PLEKHA6: variants seen among roughly 807,000 people sequenced by gnomAD.
The protein encoded by PLEKHA6 is pleckstrin homology domain-containing family A member 6.
In PLEKHA6, 60 loss-of-function variants were observed where a neutral mutation model predicts 116.7. The ratio of observed to expected loss-of-function variants is 0.51; its 90% CI spans 0.42 to 0.64. The LOEUF (loss-of-function observed/expected upper bound fraction) is 0.64, where lower values mean the gene tolerates loss of function less well. Ranked by LOEUF, PLEKHA6 falls within the 30% of genes least tolerant of loss-of-function variation. The probability of loss-of-function intolerance (pLI) is 0.00; values close to 1 mark genes in which losing one functional copy is unlikely to be tolerated. For synonymous variants in PLEKHA6, 489 were observed against 556.1 expected, an observed-to-expected ratio of 0.88 and a Z score of 1.70; for missense variants, 1,338 against 1,422.7, an observed-to-expected ratio of 0.94 and a Z score of 0.96.
At chr1:204,376,590 C>T (rs1673874854) in intron 1 of PLEKHA6, among the ~76,000 whole-genome samples, 1 of 152,214 alleles carries the variant, frequency 6.6e-6, no homozygotes, top group South Asian at 2.1e-4. Flanking sequence ...TGAGCCCCTG[C>T]AAAGGCAGTT....
At chr1:204,227,199 A>C (rs4581328) in intron 21 of PLEKHA6, among the ~76,000 whole-genome samples, 78,495 of 151,990 alleles carry the variant, frequency 0.52, 20,904 homozygotes, top group African/African-American at 0.66. Context: ...CACCTGCTCT[A>C]GCTTCTCTGC....
intron 1 of PLEKHA6, among the ~76,000 whole-genome samples, chr1:204,339,634 A>G (rs1672776983): frequency 6.6e-6 from 1 of 152,248 alleles, no homozygotes; most frequent in Non-Finnish European, 1.5e-5. Flanking sequence ...CAGGGAAATA[A>G]CTAGGGGGAA....
At chr1:204,313,895 T>G (rs540035572) in intron 1 of PLEKHA6, among the ~76,000 whole-genome samples, 2 of 152,288 alleles carry the variant, frequency 1.3e-5, no homozygotes, top group South Asian at 4.1e-4. Context: ...TCTCTATTGT[T>G]TGCCTAGAAC....
In PLEKHA6 at chr1:204,257,243, A is replaced by AGTGGCCCC; in HGVS notation, c.1524+102_1524+109dup. On this transcript the variant is annotated intron_variant, in intron 9 of 22. Coordinates refer to ENST00000272203, the MANE Select transcript of PLEKHA6 (RefSeq NM_014935.5). This position sits in a 1 kb window ranked among gnomAD's most constrained non-coding sequence, Gnocchi z 6.5. ...TGCTGGTCCTGCAGACAAACGGCCC[A>AGTGGCCCC]GTGGCCCCGTGGCACAGATGCTCCC... 1.9e-6 allele frequency: 2 copies of AGTGGCCCC among 1,063,874 alleles called. No homozygotes were observed. The highest frequency in any genetic ancestry group is 2.8e-6 in the Non-Finnish European group (2 of 722,046). 65.9% of individuals were successfully genotyped at this position (1,063,874 alleles called of 1,614,324 possible). A position where few individuals can be genotyped will look rare whatever the true frequency, so the allele number is the denominator to read the frequency against.
intron 2 of PLEKHA6, chr1:204,369,262 T>A (rs1673726769): frequency 6.6e-6 from 1 of 152,216 alleles, no homozygotes; most frequent in African/African-American, 2.4e-5. Context: ...TTTTCGCCGA[T>A]AACAGATGAG....
chr1:204,349,419 T>C (rs933969423), intron 1 of PLEKHA6, among the ~76,000 whole-genome samples: 5 of 151,434 alleles, frequency 3.3e-5, no homozygotes, highest in African/African-American at 1.2e-4. Flanking sequence ...TGTGTGCCTG[T>C]AATCCCAGCT....
chr1:204,343,946 T>C (rs1366743847), intron 1 of PLEKHA6, among the ~76,000 whole-genome samples: 1 of 152,130 alleles, frequency 6.6e-6, no homozygotes, highest in Non-Finnish European at 1.5e-5. Context: ...GACTTGCCCC[T>C]GATTTTGGTG....
chr1:204,307,746 AC>A lies in PLEKHA6; in HGVS notation c.-94-32938del, dbSNP rs572366278. ...CCCTCTAGCTGCAGCAACTCCTGAA[AC>A]CCTAAGCTGAGCTAGCCCAGCGGAG... On this transcript the variant is annotated intron_variant, in intron 1 of 22. Coordinates refer to ENST00000272203, the MANE Select transcript of PLEKHA6 (RefSeq NM_014935.5). 1,017 of 381,780 alleles carry A rather than the reference AC, an allele frequency of 2.7e-3. 2 individuals carry two copies. The highest frequency in any genetic ancestry group is 4.9e-3 in the Admixed American group (76 of 15,570). 23.6% of individuals were successfully genotyped at this position (381,780 alleles called of 1,614,324 possible). A position where few individuals can be genotyped will look rare whatever the true frequency, so the allele number is the denominator to read the frequency against.
At chr1:204,365,710 A>C (rs959831616) in intron 3 of PLEKHA6, among the ~76,000 whole-genome samples, 13 of 152,230 alleles carry the variant, frequency 8.5e-5, no homozygotes, top group African/African-American at 2.9e-4. Flanking sequence ...GATTGCTATC[A>C]TGCACCAGAA....
At chr1:204,251,100 C>T (rs539269028) in intron 9 of PLEKHA6, among the ~76,000 whole-genome samples, 10 of 152,314 alleles carry the variant, frequency 6.6e-5, no homozygotes, top group South Asian at 2.1e-4. Flanking sequence ...AATTCAGAAG[C>T]GTCTCCGGAT....
At chr1:204,267,607 G>T in intron 4 of PLEKHA6, 60 bp from the exon 5 acceptor site, 1 of 1,429,920 alleles carries the variant, frequency 7.0e-7, no homozygotes, top group South Asian at 1.1e-5. Context: ...CGAGGAGATG[G>T]GATGCAGGGA....
At chr1:204,370,172 C>T (rs1167311770) in intron 2 of PLEKHA6, among the ~76,000 whole-genome samples, 2 of 152,242 alleles carry the variant, frequency 1.3e-5, no homozygotes, top group Admixed American at 6.5e-5. Flanking sequence ...CAGGTACTTC[C>T]TCTCTGTTCT....
rs1660606698 is a variant in PLEKHA6 at position 204,228,026 on chromosome 1, T to C, written c.3031+57A>G. 7.6e-6 allele frequency: 12 copies of C among 1,581,182 alleles called. No homozygotes were observed. The highest frequency in any genetic ancestry group is 1.0e-5 in the Non-Finnish European group (12 of 1,162,634). Reference sequence around the variant, plus strand: ...TTGTAGCAGTGCCACGCTTCCTCCCTTAAACCTGGTCAGCTGGTTTCCCTG... The same window carrying C: ...TTGTAGCAGTGCCACGCTTCCTCCCCTAAACCTGGTCAGCTGGTTTCCCTG... On this transcript the variant is annotated intron_variant, in intron 21 of 22. Coordinates refer to ENST00000272203, the MANE Select transcript of PLEKHA6 (RefSeq NM_014935.5). The surrounding 1 kb of genome is among the most constrained non-coding windows in gnomAD (Gnocchi z 4.0).
intron 1 of PLEKHA6, among the ~76,000 whole-genome samples, chr1:204,344,669 A>G (rs1268136050): frequency 1.3e-5 from 2 of 152,098 alleles, no homozygotes; most frequent in African/African-American, 4.8e-5. Context: ...AAAGATGTTC[A>G]GTGTTTTCTA....
At position 204,259,222 on chromosome 1, in the gene PLEKHA6, C is replaced by T; in HGVS notation, c.1007+36G>A. Reference sequence around the variant, plus strand: ...CACTCGCACGCTCTAGCCATAATACCATATCAGCCCCACCCCAGCCGCCGG... The same window carrying T: ...CACTCGCACGCTCTAGCCATAATACTATATCAGCCCCACCCCAGCCGCCGG... On this transcript the variant is annotated intron_variant, in intron 8 of 22. Transcript: ENST00000272203. The surrounding 1 kb of genome is among the most constrained non-coding windows in gnomAD (Gnocchi z 4.6). 6.2e-7 allele frequency: 1 copy of T among 1,601,392 alleles called. No individual in the cohort carries two copies. Among genetic ancestry groups the T allele is most frequent in the East Asian group, 2.2e-5 (1 of 44,778 alleles).
At position 204,228,107 on chromosome 1, in the gene PLEKHA6, A is replaced by G. The variant is rs1343374624; in HGVS notation, c.3007T>C (p.Ser1003Pro). The G allele has an allele frequency of 1.9e-6, 3 of 1,612,582 alleles. No individual in the cohort carries two copies. Among genetic ancestry groups the G allele is most frequent in the Non-Finnish European group, 2.5e-6 (3 of 1,179,228 alleles). The stretch of plus-strand genomic sequence containing the variant: ...CCAGACAGCATGCGGCCCCTGCGGG[A>G]GGCCTCGGTCGCCAGGGCGCAGGAG... ...EISCALATEA[S>P]RRGRMLSVQC... The change falls in exon 21 of 23, where the codon TCC (serine) becomes CCC (proline). Residue 1003 changes from serine to proline, a missense_variant. Coordinates refer to ENST00000272203, the MANE Select transcript of PLEKHA6 (RefSeq NM_014935.5). The surrounding 1 kb of genome is among the most constrained non-coding windows in gnomAD (Gnocchi z 4.0).
chr1:204,295,488 T>TG (rs1670181336), intron 1 of PLEKHA6, among the ~76,000 whole-genome samples: 3 of 92,738 alleles, frequency 3.2e-5, no homozygotes, highest in African/African-American at 1.1e-4. Flanking sequence ...AGATGCCATC[T>TG]CAAAAAAAAA....
intron 1 of PLEKHA6, among the ~76,000 whole-genome samples, chr1:204,347,534 A>G (rs928091609): frequency 6.6e-6 from 1 of 151,368 alleles, no homozygotes; most frequent in African/African-American, 2.4e-5. Flanking sequence ...AGATGACAGG[A>G]TTAAGAGATT....
At chr1:204,363,952 C>G (rs1572233675), upstream of PLEKHA6, among the ~76,000 whole-genome samples, 1 of 152,204 alleles carries the variant, frequency 6.6e-6, no homozygotes, top group Non-Finnish European at 1.5e-5. Flanking sequence ...GTAAATGACA[C>G]CTTCAAAACC....
Sources: gnomAD v4.1 joint callset for allele counts (sites outside exome capture counted in the v4.1 genomes callset) on GRCh38, gnomAD v4.1.1 for gene constraint, Gnocchi (gnomAD v3.1) non-coding constraint, MANE v1.5 for transcripts, NCBI Gene and HGNC (gene_info 2026-07-23, HGNC 2026-07-21) for gene names.